The following NALCN variants were observed in gnomAD, a reference collection of about 807,000 sequenced individuals.
NALCN encodes sodium leak channel NALCN.
A neutral mutation model predicts 225.3 loss-of-function variants in NALCN; 111 were observed. The ratio of observed to expected loss-of-function variants is 0.49; its 90% confidence interval spans 0.42 to 0.58. NALCN has a LOEUF of 0.58. NALCN is among the 20% of genes least tolerant of loss of function. The probability of loss-of-function intolerance (pLI) is 0.00; values close to 1 mark genes in which losing one functional copy is unlikely to be tolerated. For synonymous variants in NALCN, 764 were observed against 769.0 expected, an observed-to-expected ratio of 0.99 and a Z score of 0.11; for missense variants, 1,378 against 2,202.4, an observed-to-expected ratio of 0.63 and a Z score of 7.49.
chr13:101,205,775 TA>T (rs2040289521), intron 13 of NALCN, among the ~76,000 whole-genome samples: 1 of 152,130 alleles, frequency 6.6e-6, no homozygotes, highest in South Asian at 2.1e-4. Context: ...ATATGTGCTA[TA>T]AAATTGTACA....
Position 101,107,499 on chromosome 13 carries a change from G to T in NALCN, c.2567C>A (p.Ala856Glu), listed in dbSNP as rs777060262. The change falls in exon 22 of 44, where the codon GCA becomes GAA. Residue 856 changes from alanine to glutamate, a missense_variant. Coordinates refer to ENST00000251127, the MANE Select transcript of NALCN (RefSeq NM_052867.4). ...FRNFCRVVVR[A>E]RFNASKTDPV... Reference sequence around the variant, plus strand: ...GAAGTGTACTTACGCGTTGAAGCGTGCTCGGACCACCACCCGGCAAAAGTT... The same window carrying T: ...GAAGTGTACTTACGCGTTGAAGCGTTCTCGGACCACCACCCGGCAAAAGTT... The T allele has an allele frequency of 6.2e-7, 1 of 1,613,986 alleles. No homozygotes were observed. Among genetic ancestry groups the T allele is most frequent in the Non-Finnish European group, 8.5e-7 (1 of 1,179,982 alleles).
intron 3 of NALCN, among the ~76,000 whole-genome samples, chr13:101,382,906 C>A (rs74120024): frequency 1.3e-5 from 2 of 152,062 alleles, no homozygotes; most frequent in Non-Finnish European, 2.9e-5. Context: ...CAGAATTGAC[C>A]TCTTTTTATT....
upstream of NALCN, among the ~76,000 whole-genome samples, chr13:101,417,097 C>G (rs113147200): frequency 3.1e-4 from 47 of 152,258 alleles, no homozygotes; most frequent in African/African-American, 1.1e-3. Flanking sequence ...AGTCCCCCAC[C>G]CCATACCCTG....
At chr13:101,124,778 T>C (rs2036153665) in intron 17 of NALCN, 97 bp from the exon 18 acceptor site, 3 of 1,026,552 alleles carry the variant, frequency 2.9e-6, no homozygotes, top group Non-Finnish European at 4.5e-6. Flanking sequence ...ACATGAAACA[T>C]GAATATGTTT....
intron 13 of NALCN, among the ~76,000 whole-genome samples, chr13:101,222,839 C>T (rs1192301637): frequency 6.6e-6 from 1 of 152,154 alleles, no homozygotes. Context: ...CTCATTCATC[C>T]TCTATTAAAG....
At chr13:101,224,177 A>G (rs924885701) in intron 13 of NALCN, among the ~76,000 whole-genome samples, 3 of 152,148 alleles carry the variant, frequency 2.0e-5, no homozygotes, top group African/African-American at 7.2e-5. Flanking sequence ...CACAGGACCT[A>G]CTTCCCTTCG....
At chr13:101,267,629 G>A (rs887510940) in intron 10 of NALCN, among the ~76,000 whole-genome samples, 1 of 152,190 alleles carries the variant, frequency 6.6e-6, no homozygotes, top group East Asian at 1.9e-4. Context: ...CTGCAGCCTA[G>A]CCTGTTGCAT....
chr13:101,399,182 T>A lies in NALCN; in HGVS notation c.-39-17A>T. The A allele has an allele frequency of 6.2e-7, 1 of 1,601,568 alleles. No homozygotes were observed. On this transcript the variant is annotated splice_polypyrimidine_tract_variant and intron_variant, in intron 1 of 43. Coordinates refer to ENST00000251127, the MANE Select transcript of NALCN (RefSeq NM_052867.4). Reference sequence around the variant, plus strand: ...AACCACAGTCTGGGAAAAGGAAAAGTTGTATTTGTCATCTAAACCATCTTG... The same window carrying A: ...AACCACAGTCTGGGAAAAGGAAAAGATGTATTTGTCATCTAAACCATCTTG...
chr13:101,385,315 C>T (rs2046956754), intron 3 of NALCN, among the ~76,000 whole-genome samples: 1 of 152,122 alleles, frequency 6.6e-6, no homozygotes, highest in South Asian at 2.1e-4. Context: ...TCCTTCAAGG[C>T]ATTGTTTCAC....
chr13:101,319,152 A>G (rs1055436743), intron 7 of NALCN, among the ~76,000 whole-genome samples: 4 of 152,186 alleles, frequency 2.6e-5, no homozygotes, highest in African/African-American at 7.2e-5. Context: ...AGCCCAGACA[A>G]AATGGAGGAA....
intron 27 of NALCN, among the ~76,000 whole-genome samples, chr13:101,099,763 C>T (rs1441961654): frequency 6.6e-6 from 1 of 152,168 alleles, no homozygotes; most frequent in Admixed American, 6.5e-5. Flanking sequence ...CAGATTCTCC[C>T]ACAGCCCACT....
At chr13:101,258,932 G>A (rs1168786116) in intron 10 of NALCN, among the ~76,000 whole-genome samples, 1 of 152,144 alleles carries the variant, frequency 6.6e-6, no homozygotes, top group Non-Finnish European at 1.5e-5. Context: ...CACAAAACAA[G>A]TATTTCTTTA....
intron 2 of NALCN, among the ~76,000 whole-genome samples, chr13:101,395,818 G>C (rs1365697323): frequency 6.6e-6 from 1 of 151,980 alleles, no homozygotes; most frequent in Admixed American, 6.6e-5. Context: ...AGAATTAGGG[G>C]CATACTATAT....
At chr13:101,333,753 G>A (rs1170641572) in intron 7 of NALCN, among the ~76,000 whole-genome samples, 2 of 152,118 alleles carry the variant, frequency 1.3e-5, no homozygotes, top group African/African-American at 4.8e-5. Context: ...TTGATAAAAC[G>A]GATTTGATTT....
intron 10 of NALCN, among the ~76,000 whole-genome samples, chr13:101,265,310 G>A (rs992302933): frequency 1.3e-5 from 2 of 152,162 alleles, no homozygotes; most frequent in African/African-American, 4.8e-5. Context: ...TTGCCAACGT[G>A]GGGTCTCTGT....
chr13:101,239,206 T>C (rs2041671759), intron 11 of NALCN, among the ~76,000 whole-genome samples: 1 of 151,990 alleles, frequency 6.6e-6, no homozygotes, highest in African/African-American at 2.4e-5. Flanking sequence ...TACATGTTTT[T>C]ACATGAGATG....
chr13:101,064,559 T>TACACACAC (rs57799563), intron 40 of NALCN, among the ~76,000 whole-genome samples: 19,072 of 148,170 alleles, frequency 0.13, 1,386 homozygotes, highest in Non-Finnish European at 0.18. Flanking sequence ...TGAACATAGA[T>TACACACAC]ACACACACAC....
intron 15 of NALCN, among the ~76,000 whole-genome samples, chr13:101,161,598 A>G (rs1211752356): frequency 6.6e-6 from 1 of 152,218 alleles, no homozygotes; most frequent in Admixed American, 6.5e-5. Flanking sequence ...TCTGGCTGGT[A>G]TGGTGGCTCA....
intron 13 of NALCN, among the ~76,000 whole-genome samples, chr13:101,218,353 G>A (rs907428430): frequency 6.6e-6 from 1 of 152,076 alleles, no homozygotes; most frequent in Non-Finnish European, 1.5e-5. Context: ...AGGTATGGAG[G>A]CCAGAAGTCT....
Sources: allele counts gnomAD v4.1 joint callset (sites outside exome capture counted in the v4.1 genomes callset), GRCh38; gene constraint gnomAD v4.1.1; transcripts MANE v1.5; gene names NCBI Gene and HGNC (gene_info 2026-07-23, HGNC 2026-07-21).